The following NBAS variants were observed in gnomAD, a reference collection of about 807,000 sequenced individuals.
NBAS encodes the protein NBAS subunit of NRZ tethering complex, also known as NAG/BC035112 fusion.
In NBAS, 219 loss-of-function variants were observed where a neutral mutation model predicts 302.5. That is an observed-to-expected ratio of 0.72 (90% CI 0.65 to 0.81). The LOEUF is 0.81. Among genes scored for constraint, NBAS ranks in the 30% least tolerant of loss-of-function variants. The probability of loss-of-function intolerance (pLI) is 0.00; values close to 1 mark genes in which losing one functional copy is unlikely to be tolerated. For missense variants in NBAS, 2,932 were observed against 2,841.6 expected, an observed-to-expected ratio of 1.03 and a Z score of -0.72; for synonymous variants, 1,118 against 1,021.6, an observed-to-expected ratio of 1.09 and a Z score of -1.80.
At chr2:15,477,274 T>C (rs2148591367) in intron 13 of NBAS, among the ~76,000 whole-genome samples, 1 of 152,286 alleles carries the variant, frequency 6.6e-6, no homozygotes, top group South Asian at 2.1e-4. Flanking sequence ...AAGCATTTTT[T>C]TTTTTGAGAC....
At chr2:14,861,934 C>A in the NBAS span, among the ~76,000 whole-genome samples, 1 of 152,136 alleles carries the variant, frequency 6.6e-6, no homozygotes, top group Non-Finnish European at 1.5e-5. Context: ...CCTAGAAGAC[C>A]ATTTCTAACC....
chr2:15,158,605 C>T, the NBAS span, among the ~76,000 whole-genome samples: 7 of 152,324 alleles, frequency 4.6e-5, no homozygotes, highest in South Asian at 8.3e-4. Context: ...AACTCCTCTC[C>T]GGCTCCTTCT....
At chr2:14,832,144 T>C in the NBAS span, among the ~76,000 whole-genome samples, 2 of 152,130 alleles carry the variant, frequency 1.3e-5, no homozygotes, top group Non-Finnish European at 2.9e-5. Context: ...CCCTCCACCC[T>C]TCTCTAATTC....
At chr2:15,280,783 C>A (rs1669790114) in intron 42 of NBAS, among the ~76,000 whole-genome samples, 1 of 152,138 alleles carries the variant, frequency 6.6e-6, no homozygotes, top group Non-Finnish European at 1.5e-5. Context: ...TGCTGGTGAA[C>A]AGTGGCCTCA....
the NBAS span, among the ~76,000 whole-genome samples, chr2:15,103,488 C>T: frequency 6.6e-6 from 1 of 152,064 alleles, no homozygotes; most frequent in African/African-American, 2.4e-5. Flanking sequence ...CTACACTGTC[C>T]TAGGTTTTTG....
chr2:15,457,950 T>C (rs1267854474), intron 21 of NBAS, among the ~76,000 whole-genome samples: 1 of 152,212 alleles, frequency 6.6e-6, no homozygotes, highest in Non-Finnish European at 1.5e-5. Flanking sequence ...TCTTCCAGGT[T>C]AGCAAGTGAA....
At chr2:15,048,502 T>A in the NBAS span, among the ~76,000 whole-genome samples, 1 of 152,238 alleles carries the variant, frequency 6.6e-6, no homozygotes, top group Non-Finnish European at 1.5e-5. Context: ...AGGCTTTGCC[T>A]GGGAAGACAC....
chr2:15,248,810 C>A (rs1668225846), intron 44 of NBAS, among the ~76,000 whole-genome samples: 1 of 152,128 alleles, frequency 6.6e-6, no homozygotes, highest in Non-Finnish European at 1.5e-5. Context: ...GAAATTGAGG[C>A]AGCAATTAAT....
chr2:14,930,470 G>T, the NBAS span, among the ~76,000 whole-genome samples: 1 of 152,182 alleles, frequency 6.6e-6, no homozygotes, highest in Non-Finnish European at 1.5e-5. Flanking sequence ...GACTGCAAAA[G>T]CTATAGGCTC....
At chr2:14,958,775 C>T in the NBAS span, among the ~76,000 whole-genome samples, 10 of 152,138 alleles carry the variant, frequency 6.6e-5, no homozygotes, top group African/African-American at 2.2e-4. Context: ...GGTTGCCTGC[C>T]TTATCTTTAA....
At chr2:14,849,632 A>C in the NBAS span, among the ~76,000 whole-genome samples, 43 of 143,238 alleles carry the variant, frequency 3.0e-4, no homozygotes, top group East Asian at 8.1e-3. Context: ...TAATTGTCAG[A>C]TTCACCAAAG....
At chr2:15,189,090 G>A (rs941565148) in intron 49 of NBAS, among the ~76,000 whole-genome samples, 4 of 152,180 alleles carry the variant, frequency 2.6e-5, no homozygotes, top group Non-Finnish European at 5.9e-5. Flanking sequence ...AAGATCACTG[G>A]TGGCAAACAC....
chr2:15,016,037 C>G, the NBAS span, among the ~76,000 whole-genome samples: 8 of 147,594 alleles, frequency 5.4e-5, no homozygotes, highest in African/African-American at 9.9e-5. Context: ...CAATAGCTAC[C>G]AAAAAAAAAA....
the NBAS span, among the ~76,000 whole-genome samples, chr2:15,077,270 A>G: frequency 4.3e-3 from 651 of 152,326 alleles, 5 homozygotes; most frequent in African/African-American, 0.015. Context: ...TATCACAAGA[A>G]CAGCATGGGG....
chr2:14,873,793 G>A, the NBAS span, among the ~76,000 whole-genome samples: 2 of 150,030 alleles, frequency 1.3e-5, no homozygotes, highest in Non-Finnish European at 3.0e-5. Flanking sequence ...ACGAAAACAT[G>A]ACATATCAAA....
intron 32 of NBAS, among the ~76,000 whole-genome samples, chr2:15,365,288 T>C (rs1043838473): frequency 1.3e-5 from 2 of 152,196 alleles, no homozygotes; most frequent in African/African-American, 2.4e-5. Flanking sequence ...CAAATCCTAG[T>C]AGGAACATAA....
the NBAS span, among the ~76,000 whole-genome samples, chr2:15,083,612 A>G: frequency 0.018 from 2,817 of 152,350 alleles, 93 homozygotes; most frequent in African/African-American, 0.063. Context: ...TCTTACAGGT[A>G]AAGCCTGCTT....
chr2:15,372,737 G>T (rs1674547851), intron 31 of NBAS, among the ~76,000 whole-genome samples: 1 of 152,182 alleles, frequency 6.6e-6, no homozygotes, highest in Non-Finnish European at 1.5e-5. Context: ...TCCTCAGTCA[G>T]AAAATTCTCA....
the NBAS span, among the ~76,000 whole-genome samples, chr2:15,154,809 A>G: frequency 9.2e-5 from 14 of 152,078 alleles, no homozygotes; most frequent in African/African-American, 3.4e-4. Context: ...ATCAGACGTG[A>G]GGCTATAGGT....
Sources: allele counts gnomAD v4.1 joint callset (sites outside exome capture counted in the v4.1 genomes callset), GRCh38; gene constraint gnomAD v4.1.1; transcripts MANE v1.5; gene names NCBI Gene and HGNC (gene_info 2026-07-23, HGNC 2026-07-21).